SNTG1: variants seen among roughly 807,000 people sequenced by gnomAD.
The protein encoded by SNTG1 is syntrophin gamma 1.
SNTG1 carries 39 observed loss-of-function variants against 74.7 expected under a neutral mutation model. That is an observed-to-expected ratio of 0.52 (90% CI 0.40 to 0.68). The LOEUF (loss-of-function observed/expected upper bound fraction) is 0.68, where lower values mean the gene tolerates loss of function less well. SNTG1 is among the 30% of genes least tolerant of loss of function. The probability of loss-of-function intolerance (pLI) is 0.00; values close to 1 mark genes in which losing one functional copy is unlikely to be tolerated. For synonymous variants in SNTG1, 254 were observed against 217.1 expected (o/e 1.17, Z -1.49); for missense variants, 685 against 609.5 (o/e 1.12, Z -1.30).
chr8:49,945,350 C>A (rs570534164), intron 1 of SNTG1, among the ~76,000 whole-genome samples: 12 of 152,234 alleles, frequency 7.9e-5, no homozygotes, highest in Non-Finnish European at 1.3e-4. Context: ...GCCTTGTATC[C>A]TCTGCTAAAG....
chr8:50,522,525 A>G (rs998099688), intron 9 of SNTG1, among the ~76,000 whole-genome samples: 3 of 151,732 alleles, frequency 2.0e-5, no homozygotes, highest in African/African-American at 7.3e-5. Context: ...CAGCTGCATT[A>G]GCCCCTAACA....
rs537990412 is a variant in SNTG1, at chr8:50,144,568, G to A, written c.-102-27993G>A. ...GAATTTTATATGTTTCATGCCTTTA[G>A]CACTGTAGGGTGAATTGGAGGGCTC... On this transcript the variant is annotated intron_variant, in intron 1 of 18. Transcript: ENST00000642720. Among the ~76,000 whole-genome samples, 16 of 152,292 alleles carry A rather than the reference G, an allele frequency of 1.1e-4. No individual in the cohort carries two copies. The South Asian group carries it at 3.3e-3, about 32-fold the overall frequency.
chr8:50,283,026 T>C (rs2088565953), intron 2 of SNTG1, among the ~76,000 whole-genome samples: 1 of 152,172 alleles, frequency 6.6e-6, no homozygotes, highest in Non-Finnish European at 1.5e-5. Context: ...TCAACAATCG[T>C]TTTTACAAAT....
At chr8:50,675,686 T>A (rs1223619623) in intron 15 of SNTG1, among the ~76,000 whole-genome samples, 1 of 152,100 alleles carries the variant, frequency 6.6e-6, no homozygotes, top group Non-Finnish European at 1.5e-5. Context: ...ATATGTGAAT[T>A]TGATCCTGTC....
chr8:50,688,608 T>C (rs1264202858), intron 15 of SNTG1, among the ~76,000 whole-genome samples: 1 of 152,146 alleles, frequency 6.6e-6, no homozygotes, highest in East Asian at 1.9e-4. Flanking sequence ...TCTGTTCCAT[T>C]GGTCTCTATC....
intron 2 of SNTG1, among the ~76,000 whole-genome samples, chr8:50,342,386 C>T (rs2091342898): frequency 1.3e-5 from 2 of 152,118 alleles, no homozygotes; most frequent in African/African-American, 2.4e-5. Flanking sequence ...ATAATTGACT[C>T]CTTACTTCTA....
At chr8:50,506,899 G>T (rs2094011525) in intron 9 of SNTG1, among the ~76,000 whole-genome samples, 1 of 151,888 alleles carries the variant, frequency 6.6e-6, no homozygotes, top group Non-Finnish European at 1.5e-5. Context: ...AATCTTAGAG[G>T]GAAAGCTTTC....
intron 11 of SNTG1, among the ~76,000 whole-genome samples, chr8:50,542,979 T>C (rs1395711674): frequency 1.3e-5 from 2 of 152,184 alleles, no homozygotes; most frequent in Non-Finnish European, 2.9e-5. Context: ...GTATATTCTG[T>C]TCAGTAATTC....
At chr8:50,678,105 T>A (rs2095316360) in intron 15 of SNTG1, among the ~76,000 whole-genome samples, 1 of 151,364 alleles carries the variant, frequency 6.6e-6, no homozygotes, top group Non-Finnish European at 1.5e-5. Context: ...TAAAGTAAAA[T>A]TTAGAAAAAA....
At chr8:50,068,179 C>T (rs1257129046) in intron 1 of SNTG1, among the ~76,000 whole-genome samples, 1 of 152,188 alleles carries the variant, frequency 6.6e-6, no homozygotes, top group Non-Finnish European at 1.5e-5. Context: ...TCCATCTTCT[C>T]ACATTGCAGG....
chr8:49,923,105 C>A (rs1806702017), intron 1 of SNTG1, among the ~76,000 whole-genome samples: 1 of 152,108 alleles, frequency 6.6e-6, no homozygotes, highest in South Asian at 2.1e-4. Context: ...TTACTACATA[C>A]CATTCTACCG....
At chr8:50,222,617 G>C (rs1182295664) in intron 2 of SNTG1, among the ~76,000 whole-genome samples, 1 of 152,114 alleles carries the variant, frequency 6.6e-6, no homozygotes, top group Non-Finnish European at 1.5e-5. Context: ...AGTTTGGGAG[G>C]ATTTTGACCA....
At chr8:50,396,657 TTTTTGTAG>T (rs1322715557) in intron 3 of SNTG1, among the ~76,000 whole-genome samples, 1 of 152,246 alleles carries the variant, frequency 6.6e-6, no homozygotes, top group Non-Finnish European at 1.5e-5. Flanking sequence ...CTCTGCCTAC[TTTTTGTAG>T]TTTGTCATTT....
At chr8:50,220,816 A>C (rs574764234) in intron 2 of SNTG1, among the ~76,000 whole-genome samples, 29 of 152,330 alleles carry the variant, frequency 1.9e-4, no homozygotes, top group South Asian at 4.1e-4. Context: ...ATTTCCCAAT[A>C]AAGATATGAT....
chr8:50,007,121 T>A (rs1046546879), intron 1 of SNTG1, among the ~76,000 whole-genome samples: 8 of 152,108 alleles, frequency 5.3e-5, no homozygotes, highest in African/African-American at 1.7e-4. Flanking sequence ...CCTCTACTGG[T>A]TTGCCTCAAC....
At chr8:50,324,964 TATATATAG>T (rs1394267265) in intron 2 of SNTG1, among the ~76,000 whole-genome samples, 1 of 132,512 alleles carries the variant, frequency 7.5e-6, no homozygotes, top group Non-Finnish European at 1.7e-5. Flanking sequence ...TATATATATA[TATATATAG>T]ACAGAGAGAG....
intron 4 of SNTG1, among the ~76,000 whole-genome samples, chr8:50,429,204 C>A (rs2093202807): frequency 6.6e-6 from 1 of 151,084 alleles, no homozygotes. Context: ...TTGAAAAAAA[C>A]AAAAGAGTTT....
chr8:50,593,458 A>C (rs1438872685), intron 13 of SNTG1, among the ~76,000 whole-genome samples: 1 of 152,186 alleles, frequency 6.6e-6, no homozygotes, highest in Non-Finnish European at 1.5e-5. Context: ...TAAATAAAGA[A>C]ATCAAAATCA....
At chr8:50,458,355 G>A (rs1409857402) in intron 8 of SNTG1, among the ~76,000 whole-genome samples, 1 of 152,108 alleles carries the variant, frequency 6.6e-6, no homozygotes, top group Non-Finnish European at 1.5e-5. Flanking sequence ...AGAGCTCTTG[G>A]ATATTAACAC....
Sources: allele counts gnomAD v4.1 joint callset (sites outside exome capture counted in the v4.1 genomes callset), GRCh38; gene constraint gnomAD v4.1.1; transcripts MANE v1.5; gene names NCBI Gene and HGNC (gene_info 2026-07-23, HGNC 2026-07-21).